Variants in SPIRE1 observed in about 807,000 individuals in gnomAD.
The protein encoded by SPIRE1 is spire type actin nucleation factor 1, also known as protein spire homolog 1.
SPIRE1 carries 40 observed loss-of-function variants against 94.1 expected under a neutral mutation model. That is an observed-to-expected ratio of 0.43 (90% confidence interval 0.33 to 0.55). The LOEUF (loss-of-function observed/expected upper bound fraction) is 0.55, where lower values mean the gene tolerates loss of function less well. Ranked by LOEUF, SPIRE1 falls within the 20% of genes least tolerant of loss-of-function variation. The probability of loss-of-function intolerance (pLI) is 0.06; values close to 1 mark genes in which losing one functional copy is unlikely to be tolerated. For missense variants in SPIRE1, 838 were observed against 975.2 expected, an observed-to-expected ratio of 0.86 and a Z score of 1.87; for synonymous variants, 376 against 371.7, an observed-to-expected ratio of 1.01 and a Z score of -0.13.
intron 2 of SPIRE1, among the ~76,000 whole-genome samples, chr18:12,572,760 G>A (rs927935485): frequency 6.6e-6 from 1 of 152,106 alleles, no homozygotes; most frequent in Non-Finnish European, 1.5e-5. Context: ...TTTCACAAAG[G>A]AGCAAAAGCA....
chr18:12,630,680 G>A (rs8088786), intron 2 of SPIRE1, among the ~76,000 whole-genome samples: 59,148 of 151,844 alleles, frequency 0.39, 12,208 homozygotes, highest in East Asian at 0.6. Context: ...AATTTTTGCA[G>A]CTATCCACCC....
intron 4 of SPIRE1, among the ~76,000 whole-genome samples, chr18:12,519,388 A>G (rs2034295407): frequency 6.6e-6 from 1 of 152,044 alleles, no homozygotes; most frequent in Non-Finnish European, 1.5e-5. Context: ...TCTCTCTCTA[A>G]CAAATGTCTC....
At chr18:12,476,541 C>CAAAAAAAA (rs558968043) in intron 10 of SPIRE1, among the ~76,000 whole-genome samples, 1 of 46,842 alleles carries the variant, frequency 2.1e-5, no homozygotes. Context: ...ACTCTGTCTC[C>CAAAAAAAA]AAAAAAAAAA....
At chr18:12,644,983 T>C (rs1486624977) in intron 1 of SPIRE1, among the ~76,000 whole-genome samples, 1 of 151,944 alleles carries the variant, frequency 6.6e-6, no homozygotes, top group African/African-American at 2.4e-5. Flanking sequence ...CTCACACATG[T>C]ACATGTAACC....
intron 3 of SPIRE1, among the ~76,000 whole-genome samples, chr18:12,537,563 T>A (rs765953489): frequency 2.0e-5 from 3 of 152,226 alleles, no homozygotes; most frequent in African/African-American, 4.8e-5. Context: ...GGTGTAAAGG[T>A]AATAGCTAGG....
chr18:12,537,597 C>T (rs991610967), intron 3 of SPIRE1, among the ~76,000 whole-genome samples: 13 of 152,046 alleles, frequency 8.6e-5, no homozygotes, highest in African/African-American at 2.7e-4. Flanking sequence ...TTTTTAAATG[C>T]ATATGACAAT....
At chr18:12,544,658 C>T (rs776550592) in intron 3 of SPIRE1, among the ~76,000 whole-genome samples, 2 of 152,024 alleles carry the variant, frequency 1.3e-5, no homozygotes, top group South Asian at 4.1e-4. Context: ...AACCTGTCCT[C>T]GTAAGCACCC....
chr18:12,661,569 C>A (rs1041936468), upstream of SPIRE1, among the ~76,000 whole-genome samples: 1 of 152,010 alleles, frequency 6.6e-6, no homozygotes, highest in African/African-American at 2.4e-5. Flanking sequence ...GCCATGAGTT[C>A]GAGACCAGTC....
At chr18:12,658,315 G>T (rs1392343697), upstream of SPIRE1, 1 of 438,982 alleles carries the variant, frequency 2.3e-6, no homozygotes, top group Non-Finnish European at 4.5e-6. Flanking sequence ...GGGCCCGGTC[G>T]CAAGGGACAC....
chr18:12,558,816 G>A (rs1322182888), intron 2 of SPIRE1, among the ~76,000 whole-genome samples: 2 of 151,986 alleles, frequency 1.3e-5, no homozygotes, highest in Non-Finnish European at 2.9e-5. Context: ...ACACATAAAA[G>A]TTCTCCAAGT....
intron 2 of SPIRE1, among the ~76,000 whole-genome samples, chr18:12,555,393 T>C (rs930428991): frequency 3.3e-4 from 50 of 152,188 alleles, no homozygotes; most frequent in African/African-American, 1.2e-3. Flanking sequence ...TCATTATCAC[T>C]GATGAATGTT....
rs192152325 is a variant in SPIRE1, at chr18:12,558,307, T to A, written c.373-11403A>T. Among the ~76,000 whole-genome samples, 8 of 152,316 alleles carry A rather than the reference T, an allele frequency of 5.3e-5. No individual in the cohort carries two copies. In the East Asian group the frequency reaches 1.5e-3, roughly 29 times the overall value. On this transcript the variant is annotated intron_variant, in intron 2 of 16. Transcript: ENST00000409402. ...TTAAAAGCGGCATGTCTGGAGTTGTTCGTGCCTCCTGGTGGGTTTGTGGTC... is the reference window on the plus strand; with the variant it reads ...TTAAAAGCGGCATGTCTGGAGTTGTACGTGCCTCCTGGTGGGTTTGTGGTC...
chr18:12,551,902 T>G (rs913181212), intron 2 of SPIRE1, among the ~76,000 whole-genome samples: 15 of 151,940 alleles, frequency 9.9e-5, no homozygotes, highest in African/African-American at 3.6e-4. Flanking sequence ...AAGACAGTCT[T>G]GAATTGCTGA....
In SPIRE1 at chr18:12,576,706, G is replaced by A. The variant is rs138487503; in HGVS notation, c.373-29802C>T. Among the ~76,000 whole-genome samples the A allele has an allele frequency of 9.7e-3, 1,464 of 151,036 alleles. 25 individuals are homozygous for A. Among genetic ancestry groups the A allele is most frequent in the African/African-American group, 0.034 (1,394 of 41,134 alleles). ...AGATCGAGACCATCCTGGCTAACAC[G>A]GTGAAACCCCGTCTCTACTAAAAAT... On this transcript the variant is annotated intron_variant, in intron 2 of 16. Transcript: ENST00000409402.
At chr18:12,566,969 C>A (rs897455648) in intron 2 of SPIRE1, among the ~76,000 whole-genome samples, 2 of 152,090 alleles carry the variant, frequency 1.3e-5, no homozygotes, top group African/African-American at 2.4e-5. Flanking sequence ...TTGAATCCAA[C>A]CATGTACCAA....
At chr18:12,624,874 A>AT (rs1299417503) in intron 2 of SPIRE1, among the ~76,000 whole-genome samples, 1 of 152,046 alleles carries the variant, frequency 6.6e-6, no homozygotes, top group Non-Finnish European at 1.5e-5. Context: ...CTCCCAGATA[A>AT]TTTGAGTTAT....
At chr18:12,631,987 G>A (rs2037793278) in intron 2 of SPIRE1, among the ~76,000 whole-genome samples, 1 of 151,928 alleles carries the variant, frequency 6.6e-6, no homozygotes, top group African/African-American at 2.4e-5. Context: ...TGAGGCTACA[G>A]TGAGCCGTTA....
At chr18:12,606,560 T>A (rs1184056864) in intron 2 of SPIRE1, among the ~76,000 whole-genome samples, 2 of 151,358 alleles carry the variant, frequency 1.3e-5, no homozygotes, top group African/African-American at 2.4e-5. Flanking sequence ...AGACAGGGTC[T>A]TACTCTGTCG....
chr18:12,603,550 G>A (rs935501491), intron 2 of SPIRE1, among the ~76,000 whole-genome samples: 3 of 151,320 alleles, frequency 2.0e-5, no homozygotes, highest in Non-Finnish European at 4.4e-5. Flanking sequence ...AGAGGCTGAC[G>A]TCTGAGCTGA....
Sources: allele counts gnomAD v4.1 joint callset (sites outside exome capture counted in the v4.1 genomes callset), GRCh38; gene constraint gnomAD v4.1.1; transcripts MANE v1.5; gene names NCBI Gene and HGNC (gene_info 2026-07-23, HGNC 2026-07-21).